The following TMEM131L variants were observed in gnomAD, a reference collection of about 807,000 sequenced individuals.
The protein encoded by TMEM131L is transmembrane protein 131-like.
TMEM131L carries 54 observed loss-of-function variants against 192.2 expected under a neutral mutation model. The observed-to-expected ratio is 0.28, with a 90% CI of 0.23 to 0.35. The LOEUF is 0.35. Ranked by LOEUF, TMEM131L falls within the 10% of genes least tolerant of loss-of-function variation. TMEM131L has a pLI of 1.00. For synonymous variants in TMEM131L, 701 were observed against 704.9 expected (o/e 0.99, Z 0.09); for missense variants, 1,888 against 1,972.9 (o/e 0.96, Z 0.82).
chr4:153,517,408 C>G (rs548373028), intron 3 of TMEM131L, among the ~76,000 whole-genome samples: 1 of 152,104 alleles, frequency 6.6e-6, no homozygotes, highest in Non-Finnish European at 1.5e-5. Context: ...GGGCGGGTTC[C>G]TAGGAATGTT....
At position 153,630,254 on chromosome 4, in the gene TMEM131L, TTGTC is replaced by T. The variant is rs1456315742; in HGVS notation, c.4208-2458_4208-2455del. On this transcript the variant is annotated intron_variant, in intron 31 of 34. Transcript: ENST00000409959. ...CTAGGGAAGGTGGAACCAATCTGCT[TTGTC>T]TGTCTCATACATTTATTAACAGCGG... Among the ~76,000 whole-genome samples, 7 of 152,340 alleles carry T rather than the reference TTGTC, an allele frequency of 4.6e-5. No individual in the cohort carries two copies. The East Asian group carries it at 1.4e-3, about 29-fold the overall frequency.
chr4:153,471,188 A>T (rs553428205), intron 2 of TMEM131L, among the ~76,000 whole-genome samples: 6 of 152,038 alleles, frequency 3.9e-5, no homozygotes, highest in Non-Finnish European at 8.8e-5. Context: ...GGGTTTCACT[A>T]TGTTGGTCAG....
intron 3 of TMEM131L, among the ~76,000 whole-genome samples, chr4:153,542,680 G>A (rs766329500): frequency 6.6e-6 from 1 of 152,196 alleles, no homozygotes; most frequent in Non-Finnish European, 1.5e-5. Flanking sequence ...CATCACCTAT[G>A]GTTTGGCTTC....
intron 3 of TMEM131L, among the ~76,000 whole-genome samples, chr4:153,537,821 G>C (rs545120779): frequency 2.2e-4 from 34 of 152,262 alleles, no homozygotes; most frequent in Admixed American, 1.8e-3. Context: ...AGTTGCTCTG[G>C]TTCAAAAGCC....
At chr4:153,544,858 G>GA (rs1296694467) in intron 3 of TMEM131L, among the ~76,000 whole-genome samples, 1 of 152,174 alleles carries the variant, frequency 6.6e-6, no homozygotes, top group Non-Finnish European at 1.5e-5. Flanking sequence ...TCCTGGAGCT[G>GA]ACCACCTGCC....
rs908932665 is a variant in TMEM131L, at chr4:153,634,208, G to A, written c.4345G>A (p.Ala1449Thr). Residue 1449 changes from alanine to threonine, a missense_variant, in exon 33 of 35, where the codon GCA becomes ACA. Coordinates refer to ENST00000409959, the MANE Select transcript of TMEM131L (RefSeq NM_001131007.2). Reference protein sequence around the residue: ...PVHNSFIDWSATCEGQFSSAY... With the variant: ...PVHNSFIDWSTTCEGQFSSAY... ...TTGTGGCAGTTTCATTGATTGGAGT[G>A]CAACATGCGAAGGCCAGTTTTCCAG... 1.2e-6 allele frequency: 2 copies of A among 1,614,048 alleles called. No individual in the cohort carries two copies. Among genetic ancestry groups the A allele is most frequent in the African/African-American group, 2.7e-5 (2 of 75,050 alleles).
At chr4:153,482,147 G>A (rs1731991405) in intron 3 of TMEM131L, among the ~76,000 whole-genome samples, 1 of 152,134 alleles carries the variant, frequency 6.6e-6, no homozygotes, top group Non-Finnish European at 1.5e-5. Context: ...CCTGGCAGAG[G>A]CTGTATTTTT....
At chr4:153,537,663 T>C (rs1015529009) in intron 3 of TMEM131L, among the ~76,000 whole-genome samples, 1 of 152,220 alleles carries the variant, frequency 6.6e-6, no homozygotes, top group Non-Finnish European at 1.5e-5. Flanking sequence ...CCGGCTTCTT[T>C]ACTGCAACCT....
At chr4:153,502,053 G>T (rs1458948244) in intron 3 of TMEM131L, among the ~76,000 whole-genome samples, 1 of 149,466 alleles carries the variant, frequency 6.7e-6, no homozygotes, top group Non-Finnish European at 1.5e-5. Flanking sequence ...CAGGGCTCAA[G>T]TGATCCTTCC....
chr4:153,581,607 A>G (rs775836469), intron 9 of TMEM131L, 47 bp downstream of exon 9: 2 of 1,297,224 alleles, frequency 1.5e-6, no homozygotes, highest in Admixed American at 4.7e-5. Context: ...ATCAGTCTGC[A>G]TCATCATTCT....
chr4:153,567,832 C>T (rs1254943111), intron 7 of TMEM131L, among the ~76,000 whole-genome samples: 1 of 152,088 alleles, frequency 6.6e-6, no homozygotes, highest in African/African-American at 2.4e-5. Flanking sequence ...TGTGAGTCAC[C>T]AAGCCCAGCC....
intron 3 of TMEM131L, among the ~76,000 whole-genome samples, chr4:153,486,590 G>C (rs928799188): frequency 1.3e-5 from 2 of 152,232 alleles, no homozygotes; most frequent in Non-Finnish European, 2.9e-5. Flanking sequence ...GTTGGACTCT[G>C]TGTGCCGTGC....
intron 7 of TMEM131L, among the ~76,000 whole-genome samples, chr4:153,562,883 A>G (rs1192019491): frequency 2.0e-5 from 3 of 152,254 alleles, no homozygotes; most frequent in Non-Finnish European, 4.4e-5. Context: ...AATCATTATG[A>G]AAAAGAAAAC....
intron 7 of TMEM131L, among the ~76,000 whole-genome samples, chr4:153,562,208 T>C (rs1728892364): frequency 6.6e-6 from 1 of 152,038 alleles, no homozygotes; most frequent in Non-Finnish European, 1.5e-5. Flanking sequence ...CAGCTAATTT[T>C]TGTATTTTTA....
Position 153,539,492 on chromosome 4 carries a change from ATT to A in TMEM131L, c.240-10556_240-10555del, listed in dbSNP as rs750436196. On this transcript the variant is annotated intron_variant, in intron 3 of 34. Transcript: ENST00000409959. ...TAAAAACATTATGTTCAGAGGCTAG[ATT>A]TTTTTTTTTTTTTTTTTTTTTTTTG... Among the ~76,000 whole-genome samples, 766 of 110,752 alleles carry A rather than the reference ATT, an allele frequency of 6.9e-3. 9 individuals carry two copies. The highest frequency in any genetic ancestry group is 0.027 in the African/African-American group (716 of 26,172). The allele number at this position is 110,752 out of a possible 152,430, so 72.7% of individuals were successfully genotyped here.
intron 11 of TMEM131L, among the ~76,000 whole-genome samples, 193 bp downstream of exon 11, chr4:153,583,865 C>T (rs765872519): frequency 8.5e-5 from 13 of 152,138 alleles, no homozygotes; most frequent in Non-Finnish European, 1.8e-4. Flanking sequence ...TTTTATTCTG[C>T]CACATATGTA....
chr4:153,489,119 A>G (rs950483895), intron 3 of TMEM131L, among the ~76,000 whole-genome samples: 1 of 152,110 alleles, frequency 6.6e-6, no homozygotes, highest in African/African-American at 2.4e-5. Context: ...ACACAGTTTA[A>G]CCCATAACAC....
intron 7 of TMEM131L, among the ~76,000 whole-genome samples, chr4:153,579,937 C>G (rs1730217401): frequency 6.6e-6 from 1 of 152,022 alleles, no homozygotes; most frequent in Non-Finnish European, 1.5e-5. Context: ...ATAGGTACTC[C>G]CTATTAAGCC....
At chr4:153,522,802 C>CA (rs1373597505) in intron 3 of TMEM131L, among the ~76,000 whole-genome samples, 1 of 152,198 alleles carries the variant, frequency 6.6e-6, no homozygotes, top group Non-Finnish European at 1.5e-5. Context: ...CTCACCTCCC[C>CA]ATCCCCATCC....
Sources: gnomAD v4.1 joint callset for allele counts (sites outside exome capture counted in the v4.1 genomes callset) on GRCh38, gnomAD v4.1.1 for gene constraint, MANE v1.5 for transcripts, NCBI Gene and HGNC (gene_info 2026-07-23, HGNC 2026-07-21) for gene names.